The following CAMKMT variants were observed in gnomAD, a reference collection of about 807,000 sequenced individuals.
CAMKMT encodes the protein CaM KMT.
Under a neutral mutation model 48.0 loss-of-function variants are expected in CAMKMT, and 53 were observed. The observed-to-expected ratio is 1.10, with a 90% CI of 0.89 to 1.39. The LOEUF is 1.39. Among genes scored for constraint, CAMKMT ranks in the 40% most tolerant of loss-of-function variants. The pLI is 0.00. For synonymous variants in CAMKMT, 165 were observed against 152.3 expected (o/e 1.08, Z -0.61); for missense variants, 428 against 402.7 (o/e 1.06, Z -0.54).
chr2:44,485,414 A>G (rs749785350), intron 3 of CAMKMT, among the ~76,000 whole-genome samples: 3 of 152,236 alleles, frequency 2.0e-5, no homozygotes, highest in African/African-American at 4.8e-5. Flanking sequence ...AATCTCACAA[A>G]CATAATGTTG....
intron 3 of CAMKMT, among the ~76,000 whole-genome samples, chr2:44,458,456 G>C (rs1667688413): frequency 6.6e-6 from 1 of 152,176 alleles, no homozygotes; most frequent in Non-Finnish European, 1.5e-5. Flanking sequence ...GATCATGTAA[G>C]TGAATACTGT....
intron 3 of CAMKMT, among the ~76,000 whole-genome samples, chr2:44,701,052 T>C (rs1677231900): frequency 6.6e-6 from 1 of 152,202 alleles, no homozygotes; most frequent in Non-Finnish European, 1.5e-5. Flanking sequence ...TGATGGACAT[T>C]GGGGTTGTTT....
At chr2:44,749,246 T>C (rs1680051289) in intron 8 of CAMKMT, among the ~76,000 whole-genome samples, 1 of 152,210 alleles carries the variant, frequency 6.6e-6, no homozygotes, top group South Asian at 2.1e-4. Flanking sequence ...TAAGCTGCTC[T>C]CCTCAGAGGA....
In CAMKMT at chr2:44,664,291, G is replaced by C. The variant is rs373325785; in HGVS notation, c.377-39992G>C. On this transcript the variant is annotated intron_variant, in intron 3 of 10. Transcript: ENST00000378494. Reference sequence around the variant, plus strand: ...GAGGCTAATGATGCCTTATAGGTTTGTTAAGAGGACTAAATGAAATAGCAA... The same window carrying C: ...GAGGCTAATGATGCCTTATAGGTTTCTTAAGAGGACTAAATGAAATAGCAA... 1.4e-4 allele frequency among the ~76,000 whole-genome samples: 22 copies of C among 152,324 alleles called. No individual in the cohort carries two copies. The South Asian group carries it at 2.5e-3, about 17-fold the overall frequency.
chr2:44,431,222 C>G (rs1483192700), intron 3 of CAMKMT, among the ~76,000 whole-genome samples: 1 of 151,856 alleles, frequency 6.6e-6, no homozygotes, highest in Non-Finnish European at 1.5e-5. Context: ...TAAACTGATA[C>G]TTTTTTTTCC....
chr2:44,477,891 A>G (rs772000690), intron 3 of CAMKMT, among the ~76,000 whole-genome samples: 2 of 152,220 alleles, frequency 1.3e-5, no homozygotes, highest in Admixed American at 6.5e-5. Context: ...AACTCATGGA[A>G]TTAACAAAGC....
intron 3 of CAMKMT, among the ~76,000 whole-genome samples, chr2:44,554,123 T>G (rs969478965): frequency 2.0e-5 from 3 of 152,242 alleles, no homozygotes; most frequent in Non-Finnish European, 4.4e-5. Context: ...TCAGTAGACA[T>G]TTAGTGTCTG....
intron 3 of CAMKMT, among the ~76,000 whole-genome samples, chr2:44,467,194 C>T (rs752785721): frequency 1.7e-4 from 26 of 151,564 alleles, no homozygotes; most frequent in Non-Finnish European, 2.6e-4. Flanking sequence ...GTCAAGGCTG[C>T]AGCAGTGAGC....
chr2:44,575,361 G>A (rs925622655), intron 3 of CAMKMT, among the ~76,000 whole-genome samples: 7 of 95,954 alleles, frequency 7.3e-5, no homozygotes, highest in Non-Finnish European at 1.6e-4. Context: ...TTACAGGCAT[G>A]AGCCACCACG....
At chr2:44,365,908 G>C (rs1678542411) in intron 1 of CAMKMT, among the ~76,000 whole-genome samples, 1 of 152,172 alleles carries the variant, frequency 6.6e-6, no homozygotes, top group South Asian at 2.1e-4. Context: ...TTATATCAAA[G>C]CAGGATGCTT....
chr2:44,667,536 C>T (rs1474031004), intron 3 of CAMKMT, among the ~76,000 whole-genome samples: 3 of 152,198 alleles, frequency 2.0e-5, no homozygotes, highest in Admixed American at 6.5e-5. Context: ...ACTTGGCTCA[C>T]TATCTTCCTC....
At chr2:44,766,370 CTGTTA>C in intron 9 of CAMKMT, 55 bp from the exon 10 acceptor site, 1 of 1,593,740 alleles carries the variant, frequency 6.3e-7, no homozygotes, top group Non-Finnish European at 8.6e-7. Context: ...TGACCAATGT[CTGTTA>C]TGTTTGGTTA....
intron 3 of CAMKMT, among the ~76,000 whole-genome samples, chr2:44,468,154 CA>C (rs1668227376): frequency 6.6e-6 from 1 of 151,918 alleles, no homozygotes; most frequent in Admixed American, 6.6e-5. Flanking sequence ...AATTCAACAG[CA>C]AAAAAGCAAA....
At chr2:44,587,903 G>A (rs1221477828) in intron 3 of CAMKMT, among the ~76,000 whole-genome samples, 24 of 112,130 alleles carry the variant, frequency 2.1e-4, no homozygotes, top group Admixed American at 9.7e-4. Flanking sequence ...CCGCCACCCC[G>A]TCTGGGAAGT....
chr2:44,409,992 T>C (rs1683077936), intron 3 of CAMKMT, among the ~76,000 whole-genome samples: 2 of 152,024 alleles, frequency 1.3e-5, no homozygotes, highest in Admixed American at 6.5e-5. Context: ...TATGTTTTAA[T>C]AAAAGTAGGA....
intron 3 of CAMKMT, among the ~76,000 whole-genome samples, chr2:44,562,749 C>T (rs1235600161): frequency 3.3e-5 from 5 of 152,072 alleles, no homozygotes; most frequent in Non-Finnish European, 7.4e-5. Flanking sequence ...TTAGTAGAGA[C>T]GGGGTTTCAA....
In CAMKMT at chr2:44,614,496, G is replaced by A. The variant is rs570640480; in HGVS notation, c.377-89787G>A. Among the ~76,000 whole-genome samples the A allele has an allele frequency of 9.2e-5, 14 of 152,202 alleles. No homozygotes were observed. The South Asian group carries it at 1.0e-3, about 11-fold the overall frequency. ...CTGGAGATACACCAGAGAGCAAAAC[G>A]GACCAAAATCTCTGCCTTCATGAAG... On this transcript the variant is annotated intron_variant, in intron 3 of 10. Transcript: ENST00000378494.
intron 3 of CAMKMT, among the ~76,000 whole-genome samples, chr2:44,505,776 CTG>C (rs1288735877): frequency 2.6e-5 from 4 of 152,152 alleles, no homozygotes; most frequent in Admixed American, 2.6e-4. Flanking sequence ...CAAGAGTCAA[CTG>C]TGCTTCCTTT....
chr2:44,736,650 T>C (rs933981800), intron 7 of CAMKMT, among the ~76,000 whole-genome samples: 2 of 152,236 alleles, frequency 1.3e-5, no homozygotes, highest in African/African-American at 4.8e-5. Context: ...TTCACATGTA[T>C]TGACCACTTA....
Sources: allele counts gnomAD v4.1 joint callset (sites outside exome capture counted in the v4.1 genomes callset), GRCh38; gene constraint gnomAD v4.1.1; transcripts MANE v1.5; gene names NCBI Gene and HGNC (gene_info 2026-07-23, HGNC 2026-07-21).